Variants in DENND5B observed in about 807,000 individuals in gnomAD.
DENND5B encodes DENN domain containing 5B, also known as DENN domain-containing protein 5B.
DENND5B carries 34 observed loss-of-function variants against 140.6 expected under a neutral mutation model. The ratio of observed to expected loss-of-function variants is 0.24; its 90% CI spans 0.18 to 0.32. The LOEUF (loss-of-function observed/expected upper bound fraction) is 0.32, where lower values mean the gene tolerates loss of function less well. Among genes scored for constraint, DENND5B ranks in the 10% least tolerant of loss-of-function variants. The pLI is 1.00. For synonymous variants in DENND5B, 551 were observed against 562.1 expected, an observed-to-expected ratio of 0.98 and a Z score of 0.28; for missense variants, 1,142 against 1,560.2, an observed-to-expected ratio of 0.73 and a Z score of 4.52.
intron 3 of DENND5B, among the ~76,000 whole-genome samples, chr12:31,469,346 A>AAAAGAAGAAG (rs769930524): frequency 7.7e-6 from 1 of 130,222 alleles, no homozygotes; most frequent in East Asian, 2.4e-4. Context: ...AAAAAAAAAA[A>AAAAGAAGAAG]AAGAAGAAGA....
chr12:31,527,545 C>T (rs974341800), intron 1 of DENND5B, among the ~76,000 whole-genome samples: 1 of 152,034 alleles, frequency 6.6e-6, no homozygotes, highest in Non-Finnish European at 1.5e-5. Context: ...TTTGGGAGGC[C>T]GAGGCGGGCG....
chr12:31,386,504 G>GA lies in DENND5B; in HGVS notation c.*1098dup, dbSNP rs1940857029. The stretch of plus-strand genomic sequence containing the variant: ...TACAAAGGAACGTAAAGCTTGCCCT[G>GA]AAACACCCAGAAAGGGTTCATTCTC... On this transcript the variant is annotated 3_prime_UTR_variant, in exon 21 of 21. Coordinates refer to ENST00000389082, the MANE Select transcript of DENND5B (RefSeq NM_144973.4). 6.6e-6 allele frequency: 1 copy of GA among 152,172 alleles called. No homozygotes were observed. The highest frequency in any genetic ancestry group is 2.1e-4 in the South Asian group (1 of 4,832). 9.4% of individuals were successfully genotyped at this position (152,172 alleles called of 1,614,324 possible).
At chr12:31,507,446 C>T (rs1212480855) in intron 1 of DENND5B, among the ~76,000 whole-genome samples, 1 of 152,124 alleles carries the variant, frequency 6.6e-6, no homozygotes, top group African/African-American at 2.4e-5. Context: ...AATTATTATA[C>T]GACAGTTTTA....
At chr12:31,475,849 T>A (rs2617178) in intron 3 of DENND5B, among the ~76,000 whole-genome samples, 1 of 152,092 alleles carries the variant, frequency 6.6e-6, no homozygotes, top group African/African-American at 2.4e-5. Context: ...GTGGGCCGGG[T>A]GCGGTGGCTT....
intron 3 of DENND5B, among the ~76,000 whole-genome samples, chr12:31,472,367 T>C (rs1591860717): frequency 1.3e-5 from 2 of 152,034 alleles, no homozygotes; most frequent in East Asian, 1.9e-4. Flanking sequence ...CCTCGGCTCA[T>C]TGCAACTTCC....
chr12:31,553,630 G>A (rs1490074429), intron 1 of DENND5B, among the ~76,000 whole-genome samples: 1 of 152,136 alleles, frequency 6.6e-6, no homozygotes, highest in African/African-American at 2.4e-5. Context: ...TTAACTTTCT[G>A]TGTCATTGAT....
rs11051474 is a variant in DENND5B at position 31,588,726 on chromosome 12, T to C, written c.127+1980A>G. Among the ~76,000 whole-genome samples, 431 of 152,312 alleles carry C rather than the reference T, an allele frequency of 2.8e-3. 1 individual carries two copies. Among genetic ancestry groups the C allele is most frequent in the Non-Finnish European group, 4.5e-3 (304 of 68,030 alleles). On this transcript the variant is annotated intron_variant, in intron 1 of 20. Transcript: ENST00000389082. Reference sequence around the variant, plus strand: ...ATCCCCCATGGTTACGGAGAGATGATTGTATTTTCATTATCTCTTTACACT... The same window carrying C: ...ATCCCCCATGGTTACGGAGAGATGACTGTATTTTCATTATCTCTTTACACT...
chr12:31,448,457 C>T (rs1944369139), intron 5 of DENND5B, among the ~76,000 whole-genome samples: 1 of 152,144 alleles, frequency 6.6e-6, no homozygotes, highest in African/African-American at 2.4e-5. Flanking sequence ...TCCTTCTGTT[C>T]TCTATTCCTA....
intron 1 of DENND5B, among the ~76,000 whole-genome samples, chr12:31,567,227 AG>A (rs1949662931): frequency 1.3e-5 from 2 of 151,860 alleles, no homozygotes; most frequent in South Asian, 2.1e-4. Context: ...CTGAGGTGGG[AG>A]GATCACCTGA....
chr12:31,521,327 T>A (rs200409975), intron 1 of DENND5B, among the ~76,000 whole-genome samples: 3 of 142,160 alleles, frequency 2.1e-5, no homozygotes, highest in Non-Finnish European at 4.6e-5. Context: ...TTTTTTTTTT[T>A]AATATTTAGA....
rs1053748122 is a variant in DENND5B, at chr12:31,415,411, T to C, written c.2508A>G (p.Gly836=). 6 of 1,610,514 alleles carry C rather than the reference T, an allele frequency of 3.7e-6. No individual in the cohort carries two copies. Among genetic ancestry groups the C allele is most frequent in the Non-Finnish European group, 4.2e-6 (5 of 1,178,212 alleles). ...LGPERRKSDS[G]VMLPTLRVSL... ...AGACCCTGAGCGTTGGCAACATAACTCCTGAGTCAGATTTTCTTCTTTCTG... is the reference window on the plus strand; with the variant it reads ...AGACCCTGAGCGTTGGCAACATAACCCCTGAGTCAGATTTTCTTCTTTCTG... The change falls in exon 12 of 21, where the codon GGA becomes GGG. Residue 836 remains glycine, a synonymous_variant. Transcript: ENST00000389082.
chr12:31,479,174 T>C (rs1027012924), intron 3 of DENND5B, among the ~76,000 whole-genome samples: 3 of 152,226 alleles, frequency 2.0e-5, no homozygotes, highest in Non-Finnish European at 4.4e-5. Flanking sequence ...CCCTTTTCAA[T>C]GTTCGCTGAG....
At chr12:31,402,408 T>A in intron 15 of DENND5B, 90 bp downstream of exon 15, 1 of 1,458,142 alleles carries the variant, frequency 6.9e-7, no homozygotes, top group Non-Finnish European at 9.2e-7. Flanking sequence ...CTATTTTATT[T>A]GATTCAAGGA....
chr12:31,539,992 CAA>C (rs1406196784), intron 1 of DENND5B, among the ~76,000 whole-genome samples: 1 of 151,898 alleles, frequency 6.6e-6, no homozygotes, highest in Non-Finnish European at 1.5e-5. Context: ...AAGACTCCAC[CAA>C]AAAACTATTA....
chr12:31,424,637 G>T lies in DENND5B; in HGVS notation c.2289C>A (p.Gly763=). 2 of 1,613,840 alleles carry T rather than the reference G, an allele frequency of 1.2e-6. No individual in the cohort carries two copies. The highest frequency in any genetic ancestry group is 1.7e-6 in the Non-Finnish European group (2 of 1,179,848). ...GGCCGGTGATGTTTGCTTCTCCATG[G>T]CCAAGTTCCACCGCTTCATGTCCCA... ...EKMGHEAVEL[G]HGEANITGLE... Residue 763 remains glycine (G), a synonymous_variant, in exon 10 of 21, where the codon GGC becomes GGA. Coordinates refer to ENST00000389082, the MANE Select transcript of DENND5B (RefSeq NM_144973.4).
At chr12:31,461,795 C>G (rs576791627) in intron 3 of DENND5B, among the ~76,000 whole-genome samples, 1 of 152,194 alleles carries the variant, frequency 6.6e-6, no homozygotes, top group East Asian at 1.9e-4. Context: ...TTGTAATAAT[C>G]CTTTCACAGA....
In DENND5B at chr12:31,495,389, C is replaced by CTTTTTTTTTTTTTTTTTT. The variant is rs149645342; in HGVS notation, c.237+420_237+421insAAAAAAAAAAAAAAAAAA. Reference sequence around the variant, plus strand: ...GAGAGTATCACATTTCTTTTTTTTTCTTTTTTTGAGACAGAGTCTCGCTCT... The same window carrying CTTTTTTTTTTTTTTTTTT: ...GAGAGTATCACATTTCTTTTTTTTTCTTTTTTTTTTTTTTTTTTTTTTTTTGAGACAGAGTCTCGCTCT... On this transcript the variant is annotated intron_variant, in intron 2 of 20. Coordinates refer to ENST00000389082, the MANE Select transcript of DENND5B (RefSeq NM_144973.4). 1.5e-5 allele frequency among the ~76,000 whole-genome samples: 2 copies of CTTTTTTTTTTTTTTTTTT among 136,206 alleles called. 1 individual carries two copies. The highest frequency in any genetic ancestry group is 3.1e-5 in the Non-Finnish European group (2 of 64,978). 89.4% of individuals were successfully genotyped at this position (136,206 alleles called of 152,430 possible).
intron 7 of DENND5B, among the ~76,000 whole-genome samples, chr12:31,435,729 C>T (rs1246589113): frequency 6.6e-6 from 1 of 152,054 alleles, no homozygotes; most frequent in Non-Finnish European, 1.5e-5. Context: ...GGCAAGACCT[C>T]GGCTCACTGC....
rs149645342 is a variant in DENND5B at position 31,495,389 on chromosome 12, C to CTTTTTTTT, written c.237+420_237+421insAAAAAAAA. On this transcript the variant is annotated intron_variant, in intron 2 of 20. Coordinates refer to ENST00000389082, the MANE Select transcript of DENND5B (RefSeq NM_144973.4). Reference sequence around the variant, plus strand: ...GAGAGTATCACATTTCTTTTTTTTTCTTTTTTTGAGACAGAGTCTCGCTCT... The same window carrying CTTTTTTTT: ...GAGAGTATCACATTTCTTTTTTTTTCTTTTTTTTTTTTTTTGAGACAGAGTCTCGCTCT... Among the ~76,000 whole-genome samples, 22 of 136,218 alleles carry CTTTTTTTT rather than the reference C, an allele frequency of 1.6e-4. 5 individuals carry two copies. The highest frequency in any genetic ancestry group is 2.3e-4 in the Admixed American group (3 of 12,810). 89.4% of individuals were successfully genotyped at this position (136,218 alleles called of 152,430 possible).
Sources: allele counts gnomAD v4.1 joint callset (sites outside exome capture counted in the v4.1 genomes callset), GRCh38; gene constraint gnomAD v4.1.1; transcripts MANE v1.5; gene names NCBI Gene and HGNC (gene_info 2026-07-23, HGNC 2026-07-21).